HAAO: variants seen among roughly 807,000 people sequenced by gnomAD.
HAAO encodes the protein 3-hydroxyanthranilate 3,4-dioxygenase.
A neutral mutation model predicts 46.2 loss-of-function variants in HAAO; 49 were observed. That is an observed-to-expected ratio of 1.06 (90% CI 0.84 to 1.34). The LOEUF (loss-of-function observed/expected upper bound fraction) is 1.34. Ranked by LOEUF, HAAO falls within the 40% of genes most tolerant of loss-of-function variation. HAAO has a pLI of 0.00. For synonymous variants in HAAO, 157 were observed against 145.2 expected, an observed-to-expected ratio of 1.08 and a Z score of -0.58; for missense variants, 408 against 364.5, an observed-to-expected ratio of 1.12 and a Z score of -0.97.
In HAAO at chr2:42,783,844, G is replaced by T. The variant is rs1165733213; in HGVS notation, c.183C>A (p.Asp61Glu). The change falls in exon 3 of 10, where the codon GAC becomes GAA. Residue 61 changes from aspartate to glutamate, a missense_variant. Asp to Glu is a conservative substitution (Grantham distance 45). Coordinates refer to ENST00000294973, the MANE Select transcript of HAAO (RefSeq NM_012205.3). ...CTTGCTCCAGGACTCGGAGAACCATGTCTCCCTCCAGCTGGTAAAATACCT... is the reference window on the plus strand; with the variant it reads ...CTTGCTCCAGGACTCGGAGAACCATTTCTCCCTCCAGCTGGTAAAATACCT... ...GEEVFYQLEG[D>E]MVLRVLEQGK... 1 of 1,612,028 alleles carries T rather than the reference G, an allele frequency of 6.2e-7. No individual in the cohort carries two copies. The highest frequency in any genetic ancestry group is 8.5e-7 in the Non-Finnish European group (1 of 1,179,220).
chr2:42,792,500 C>T lies in HAAO; in HGVS notation c.37G>A (p.Glu13Lys). 6.3e-7 allele frequency: 1 copy of T among 1,594,606 alleles called. No homozygotes were observed. Among genetic ancestry groups the T allele is most frequent in the Non-Finnish European group, 8.5e-7 (1 of 1,171,170 alleles). Residue 13 changes from glutamate (E) to lysine (K), a missense_variant, in exon 1 of 10, where the codon GAG becomes AAG. By Grantham distance (56) the Glu-to-Lys change is moderately conservative. Transcript: ENST00000294973. ...RRLGVRAWVK[E>K]NRGSFQPPVC... is the part of the protein sequence containing the mutation. ...GGGGGCTGGAAGGAGCCCCGGTTCT[C>T]CTTCACCCAGGCCCTCACTCCCAGG... is the stretch of plus-strand genomic sequence containing the variant.
At chr2:42,771,664 G>A (rs1442041782) in intron 4 of HAAO, among the ~76,000 whole-genome samples, 1 of 152,244 alleles carries the variant, frequency 6.6e-6, no homozygotes, top group Non-Finnish European at 1.5e-5. Flanking sequence ...GGCCTGAGGA[G>A]CACCTGGCAG....
At chr2:42,786,214 C>G (rs909507919) in intron 2 of HAAO, among the ~76,000 whole-genome samples, 1 of 152,192 alleles carries the variant, frequency 6.6e-6, no homozygotes, top group Non-Finnish European at 1.5e-5. Flanking sequence ...TTTTCTCGCT[C>G]TTGTCCCCTG....
intron 2 of HAAO, among the ~76,000 whole-genome samples, chr2:42,787,478 A>C (rs1398400078): frequency 6.6e-6 from 1 of 152,020 alleles, no homozygotes; most frequent in Non-Finnish European, 1.5e-5. Flanking sequence ...GTCTCCAGTG[A>C]GGTGTGTTTG....
chr2:42,767,587 G>T lies in HAAO; in HGVS notation c.782+8C>A. On this transcript the variant is annotated splice_region_variant and intron_variant, in intron 9 of 9. Transcript: ENST00000294973. ...GGATCCCAGGGAAAGCCCTCCCTGC[G>T]TACTCACGAGGTCCCAGCTAGCACC... The T allele has an allele frequency of 6.3e-7, 1 of 1,577,910 alleles. No homozygotes were observed. The highest frequency in any genetic ancestry group is 8.6e-7 in the Non-Finnish European group (1 of 1,160,926).
intron 7 of HAAO, among the ~76,000 whole-genome samples, chr2:42,768,200 T>C (rs1334226024): frequency 1.3e-5 from 2 of 152,234 alleles, no homozygotes; most frequent in Non-Finnish European, 2.9e-5. Context: ...TGTGTGCTCA[T>C]GCGAAGGCAT....
chr2:42,770,576 A>G lies in HAAO; in HGVS notation c.357T>C (p.Tyr119=), dbSNP rs1328723433. The G allele has an allele frequency of 6.5e-7, 1 of 1,550,198 alleles. No individual in the cohort carries two copies. The highest frequency in any genetic ancestry group is 8.7e-7 in the Non-Finnish European group (1 of 1,146,034). ...ACAGAACGTCCATGGTGTCGCCCAC[A>G]TAGTACCTGCCAGAGCAGAGGACAG... ...LETELDGLRY[Y]VGDTMDVLFE... The change falls in exon 5 of 10, where the codon TAT becomes TAC. Residue 119 remains tyrosine (Y), a synonymous_variant. Transcript: ENST00000294973.
At chr2:42,770,024 AG>A (rs912162910) in intron 6 of HAAO, 118 bp downstream of exon 6, 25 of 1,120,200 alleles carry the variant, frequency 2.2e-5, no homozygotes, top group Non-Finnish European at 3.0e-5. Context: ...CCATCTTCTT[AG>A]TACCTTGAGG....
rs1202463615 is a variant in HAAO, at chr2:42,783,350, T to C, written c.314A>G (p.Glu105Gly). The change falls in exon 4 of 10, where the codon GAG (glutamate) becomes GGG (glycine). Residue 105 changes from glutamate to glycine, a missense_variant. Transcript: ENST00000294973. ...TAGCTCGGTCTCCAGCCGCCTTCGC[T>C]CAACCACCAGCCCCACGGTGTTGGC... is the stretch of plus-strand genomic sequence containing the variant. ...RFANTVGLVV[E>G]RRRLETELDG... The C allele has an allele frequency of 6.2e-7, 1 of 1,613,132 alleles. No homozygotes were observed. The highest frequency in any genetic ancestry group is 2.2e-5 in the East Asian group (1 of 44,866).
intron 7 of HAAO, among the ~76,000 whole-genome samples, chr2:42,768,794 C>T (rs907933853): frequency 3.9e-5 from 6 of 152,214 alleles, no homozygotes; most frequent in African/African-American, 1.2e-4. Flanking sequence ...AGTCCTCCCA[C>T]CTTGCCTAGC....
At chr2:42,768,542 C>T (rs1471081593) in intron 7 of HAAO, among the ~76,000 whole-genome samples, 2 of 152,162 alleles carry the variant, frequency 1.3e-5, no homozygotes, top group Admixed American at 1.3e-4. Context: ...GTCCCTGGTA[C>T]CCAAGAGCAG....
intron 7 of HAAO, 35 bp from the exon 8 acceptor site, chr2:42,767,963 C>T: frequency 1.9e-6 from 3 of 1,588,566 alleles, no homozygotes; most frequent in Non-Finnish European, 2.6e-6. Flanking sequence ...TCTGGTGCTT[C>T]TTGCCCCACA....
At chr2:42,778,165 C>T (rs1671732893) in intron 4 of HAAO, among the ~76,000 whole-genome samples, 1 of 151,624 alleles carries the variant, frequency 6.6e-6, no homozygotes, top group Non-Finnish European at 1.5e-5. Flanking sequence ...ATCAAGTTAT[C>T]ACATTATTAT....
At chr2:42,772,289 T>C (rs1305126144) in intron 4 of HAAO, among the ~76,000 whole-genome samples, 1 of 152,194 alleles carries the variant, frequency 6.6e-6, no homozygotes, top group African/African-American at 2.4e-5. Context: ...GAGACCAGCC[T>C]GGCCAACATG....
chr2:42,770,870 C>T (rs1039011130), intron 4 of HAAO, among the ~76,000 whole-genome samples: 1 of 152,226 alleles, frequency 6.6e-6, no homozygotes, highest in Non-Finnish European at 1.5e-5. Flanking sequence ...AACTCTGAGA[C>T]TCACAGAAGC....
chr2:42,782,926 C>T (rs146892671), intron 4 of HAAO: 1 of 460,388 alleles, frequency 2.2e-6, no homozygotes, highest in Non-Finnish European at 4.3e-6. Flanking sequence ...CGACTTTGGG[C>T]ACATGTCATC....
At chr2:42,782,553 G>T (rs1672079105) in intron 4 of HAAO, among the ~76,000 whole-genome samples, 1 of 152,124 alleles carries the variant, frequency 6.6e-6, no homozygotes, top group Non-Finnish European at 1.5e-5. Context: ...TTTTAAAAAA[G>T]AAAAGGGGGA....
In HAAO at chr2:42,788,565, G is replaced by A. The variant is rs1297446369; in HGVS notation, c.123C>T (p.Asn41=). 1 of 1,606,546 alleles carries A rather than the reference G, an allele frequency of 6.2e-7. No individual in the cohort carries two copies. The highest frequency in any genetic ancestry group is 8.5e-7 in the Non-Finnish European group (1 of 1,173,338). ...CTTCGATGTGATAGTCCTTCCTGGTGTTGGGGCCTCCGATGAACATGACTT... is the reference window on the plus strand; with the variant it reads ...CTTCGATGTGATAGTCCTTCCTGGTATTGGGGCCTCCGATGAACATGACTT... ...QLKVMFIGGP[N]TRKDYHIEEG... Residue 41 remains asparagine, a synonymous_variant, in exon 2 of 10, where the codon AAC becomes AAT. Coordinates refer to ENST00000294973, the MANE Select transcript of HAAO (RefSeq NM_012205.3).
intron 4 of HAAO, among the ~76,000 whole-genome samples, chr2:42,771,443 G>C (rs1213267216): frequency 1.4e-3 from 148 of 104,480 alleles, no homozygotes; most frequent in Non-Finnish European, 2.2e-3. Flanking sequence ...AAATAAATAA[G>C]TAAAAAAAAA....
Sources: gnomAD v4.1 joint callset for allele counts (sites outside exome capture counted in the v4.1 genomes callset) on GRCh38, gnomAD v4.1.1 for gene constraint, MANE v1.5 for transcripts, NCBI Gene and HGNC (gene_info 2026-07-23, HGNC 2026-07-21) for gene names.